Variants in SSBP2 observed in about 807,000 individuals in gnomAD.
SSBP2 encodes single-stranded DNA-binding protein 2.
Under a neutral mutation model 61.8 loss-of-function variants are expected in SSBP2, and 17 were observed. The ratio of observed to expected loss-of-function variants is 0.28; its 90% CI spans 0.19 to 0.41. The LOEUF is 0.41. Ranked by LOEUF, SSBP2 falls within the 10% of genes least tolerant of loss-of-function variation. SSBP2 has a pLI of 1.00. For missense variants in SSBP2, 310 were observed against 458.7 expected (o/e 0.68, Z 2.96); for synonymous variants, 139 against 141.3 (o/e 0.98, Z 0.12).
chr5:81,480,575 T>C (rs964409713), intron 6 of SSBP2, among the ~76,000 whole-genome samples: 6 of 152,232 alleles, frequency 3.9e-5, no homozygotes, highest in Admixed American at 2.0e-4. Flanking sequence ...GGGATGGCTA[T>C]GGCAATTTCT....
At chr5:81,534,226 C>T (rs574742048) in intron 4 of SSBP2, among the ~76,000 whole-genome samples, 1 of 152,064 alleles carries the variant, frequency 6.6e-6, no homozygotes, top group South Asian at 2.1e-4. Context: ...AGAACATTTC[C>T]CCTCTCTTCA....
chr5:81,514,268 G>A (rs1266627094), intron 4 of SSBP2, among the ~76,000 whole-genome samples: 1 of 151,104 alleles, frequency 6.6e-6, no homozygotes, highest in Non-Finnish European at 1.5e-5. Context: ...AGGGTGGTGA[G>A]GACAAAAAAG....
At chr5:81,570,819 T>C (rs1241483365) in intron 4 of SSBP2, among the ~76,000 whole-genome samples, 1 of 152,208 alleles carries the variant, frequency 6.6e-6, no homozygotes, top group African/African-American at 2.4e-5. Context: ...ATGCCCCTAG[T>C]GAAGTCCATA....
At position 81,614,795 on chromosome 5, in the gene SSBP2, T is replaced by C. The variant is rs532836928; in HGVS notation, c.282+678A>G. 2.0e-5 allele frequency among the ~76,000 whole-genome samples: 3 copies of C among 152,332 alleles called. No individual in the cohort carries two copies. In the South Asian group the frequency reaches 6.2e-4, roughly 32 times the overall value. On this transcript the variant is annotated intron_variant, in intron 4 of 16. Transcript: ENST00000320672. ...CTTCATAATACCATCTTCTCATTCT[T>C]ATCTTCACTGTTTTTTTTCTTTTCA...
At chr5:81,420,871 G>GGCT (rs1761563812) in intron 16 of SSBP2, among the ~76,000 whole-genome samples, 1 of 152,104 alleles carries the variant, frequency 6.6e-6, no homozygotes, top group Admixed American at 6.6e-5. Context: ...TTTAGTCCAA[G>GGCT]GCTGGATCAT....
chr5:81,650,218 T>C (rs1360625766), intron 2 of SSBP2, 49 bp downstream of exon 2: 2 of 1,285,020 alleles, frequency 1.6e-6, no homozygotes, highest in East Asian at 5.1e-5. Flanking sequence ...GTGTTTTCCA[T>C]TCATTTATAT....
At chr5:81,750,695 A>G (rs901876345) in intron 1 of SSBP2, 27 of 461,910 alleles carry the variant, frequency 5.8e-5, no homozygotes, top group South Asian at 7.8e-5. Flanking sequence ...ATTTCCCTCA[A>G]TCACCCAAAC....
intron 4 of SSBP2, among the ~76,000 whole-genome samples, chr5:81,590,189 T>C (rs938942364): frequency 6.6e-6 from 1 of 152,018 alleles, no homozygotes; most frequent in Non-Finnish European, 1.5e-5. Flanking sequence ...GAGATTCTAG[T>C]CATAGATTTA....
chr5:81,450,893 G>A (rs1197875245), intron 10 of SSBP2, among the ~76,000 whole-genome samples: 1 of 152,160 alleles, frequency 6.6e-6, no homozygotes, highest in Admixed American at 6.5e-5. Flanking sequence ...ATTTCCTGGA[G>A]AGAAACACAA....
chr5:81,707,716 G>A (rs917685192), intron 1 of SSBP2, among the ~76,000 whole-genome samples: 6 of 152,152 alleles, frequency 3.9e-5, no homozygotes, highest in African/African-American at 1.4e-4. Flanking sequence ...ACACAAAATA[G>A]AAACGAACTA....
chr5:81,426,111 A>T (rs1761937190), intron 16 of SSBP2, among the ~76,000 whole-genome samples: 1 of 152,244 alleles, frequency 6.6e-6, no homozygotes, highest in Admixed American at 6.5e-5. Flanking sequence ...AGCAAAGCTA[A>T]CTTATTGGGG....
At chr5:81,537,608 G>T (rs182591109) in intron 4 of SSBP2, among the ~76,000 whole-genome samples, 1 of 152,254 alleles carries the variant, frequency 6.6e-6, no homozygotes, top group East Asian at 1.9e-4. Context: ...TTATCCAACA[G>T]CATGTGCTCA....
chr5:81,493,651 G>A (rs1258710523), intron 5 of SSBP2, among the ~76,000 whole-genome samples: 2 of 152,058 alleles, frequency 1.3e-5, no homozygotes, highest in Non-Finnish European at 2.9e-5. Flanking sequence ...AGCTACTTGG[G>A]AGGCTGAGGC....
chr5:81,498,487 A>C (rs1404712672), intron 5 of SSBP2, among the ~76,000 whole-genome samples: 1 of 152,108 alleles, frequency 6.6e-6, no homozygotes, highest in Non-Finnish European at 1.5e-5. Flanking sequence ...CTATTCTAGA[A>C]TCTAAAACAT....
chr5:81,544,378 CTT>C (rs1771567559), intron 4 of SSBP2, among the ~76,000 whole-genome samples: 1 of 152,110 alleles, frequency 6.6e-6, no homozygotes, highest in African/African-American at 2.4e-5. Flanking sequence ...AGTGAAGCCT[CTT>C]TGACTCTGGA....
rs183103194 is a variant in SSBP2, at chr5:81,533,379, T to C, written c.283-19662A>G. Among the ~76,000 whole-genome samples, 115 of 152,090 alleles carry C rather than the reference T, an allele frequency of 7.6e-4. 1 individual carries two copies. Among genetic ancestry groups the C allele is most frequent in the African/African-American group, 2.7e-3 (112 of 41,504 alleles). ...TCAAAATTTGTGGGGTAAAGCTAAATACTGGGAGAGTGAGTATTACTCTGA... is the reference window on the plus strand; with the variant it reads ...TCAAAATTTGTGGGGTAAAGCTAAACACTGGGAGAGTGAGTATTACTCTGA... On this transcript the variant is annotated intron_variant, in intron 4 of 16. Coordinates refer to ENST00000320672, the MANE Select transcript of SSBP2 (RefSeq NM_012446.5).
intron 1 of SSBP2, among the ~76,000 whole-genome samples, chr5:81,655,971 T>C (rs1027506691): frequency 2.6e-5 from 4 of 152,330 alleles, no homozygotes; most frequent in Admixed American, 6.5e-5. Context: ...GGACCCCACT[T>C]ACTCTTTACT....
At chr5:81,447,445 T>G (rs372951298) in intron 11 of SSBP2, among the ~76,000 whole-genome samples, 1 of 152,206 alleles carries the variant, frequency 6.6e-6, no homozygotes, top group Non-Finnish European at 1.5e-5. Flanking sequence ...AGAGGCAAAG[T>G]TGACTAATGC....
At chr5:81,577,478 GA>G (rs1471552460) in intron 4 of SSBP2, among the ~76,000 whole-genome samples, 1 of 151,952 alleles carries the variant, frequency 6.6e-6, no homozygotes, top group African/African-American at 2.4e-5. Flanking sequence ...TATTTAATAT[GA>G]AGCCAGAGCC....
Sources: gnomAD v4.1 joint callset for allele counts (sites outside exome capture counted in the v4.1 genomes callset) on GRCh38, gnomAD v4.1.1 for gene constraint, MANE v1.5 for transcripts, NCBI Gene and HGNC (gene_info 2026-07-23, HGNC 2026-07-21) for gene names.